The following RALGDS variants were observed in gnomAD, a reference collection of about 807,000 sequenced individuals.
RALGDS encodes ral guanine nucleotide dissociation stimulator.
A neutral mutation model predicts 99.8 loss-of-function variants in RALGDS; 44 were observed. The observed-to-expected ratio is 0.44, with a 90% CI of 0.35 to 0.57. The LOEUF (loss-of-function observed/expected upper bound fraction) is 0.57, where lower values mean the gene tolerates loss of function less well. Among genes scored for constraint, RALGDS ranks in the 20% least tolerant of loss-of-function variants. The pLI, the probability that RALGDS is intolerant of heterozygous loss-of-function variation, is 0.01. For synonymous variants in RALGDS, 529 were observed against 505.0 expected (o/e 1.05, Z -0.64); for missense variants, 1,022 against 1,203.1 (o/e 0.85, Z 2.23).
rs147231050 is a variant in RALGDS at position 133,110,249 on chromosome 9, G to A, written c.488+47C>T. On this transcript the variant is annotated intron_variant, in intron 3 of 17. Transcript: ENST00000372050. The stretch of plus-strand genomic sequence containing the variant: ...AAGACCCGCAGCCAGGTGGGGGTGG[G>A]GGCGAGGGCCCCTGTGCACCCTGTG... 1.3e-3 allele frequency: 1,973 copies of A among 1,565,630 alleles called. 20 individuals are homozygous for A. The African/African-American group carries it at 0.023, about 19-fold the overall frequency.
chr9:133,129,804 T>TTTC (rs1181459671), intron 1 of RALGDS, among the ~76,000 whole-genome samples: 1 of 138,830 alleles, frequency 7.2e-6, no homozygotes, highest in African/African-American at 2.6e-5. Flanking sequence ...CGAGATTTCC[T>TTTC]TTCTTCTTTT....
intron 1 of RALGDS, among the ~76,000 whole-genome samples, chr9:133,126,286 CG>C (rs1400654423): frequency 6.6e-6 from 1 of 152,006 alleles, no homozygotes; most frequent in Non-Finnish European, 1.5e-5. Flanking sequence ...CTGGAGAGCA[CG>C]GCTGCACAGA....
chr9:133,132,696 G>A (rs1357515394), upstream of RALGDS, among the ~76,000 whole-genome samples: 1 of 151,954 alleles, frequency 6.6e-6, no homozygotes, highest in Non-Finnish European at 1.5e-5. Context: ...CTGGAGTGCA[G>A]TGGCGCCATC....
rs767020930 is a variant in RALGDS at position 133,102,925 on chromosome 9, C to G, written c.1792-25G>C. 2.2e-5 allele frequency: 36 copies of G among 1,611,908 alleles called. No individual in the cohort carries two copies. In the East Asian group the frequency reaches 7.8e-4, roughly 35 times the overall value. ...CCTGGGGCCAGAGGGAAGCACAGGG[C>G]GGTGACAAGGCCCCCCGGGCAGCAC... is the stretch of plus-strand genomic sequence containing the variant. On this transcript the variant is annotated intron_variant, in intron 12 of 17. Transcript: ENST00000372050.
At chr9:133,115,344 G>A (rs1208206782) in intron 1 of RALGDS, among the ~76,000 whole-genome samples, 1 of 152,204 alleles carries the variant, frequency 6.6e-6, no homozygotes, top group Non-Finnish European at 1.5e-5. Flanking sequence ...GCTCTAGCCT[G>A]CACCTCGGCC....
At position 133,104,272 on chromosome 9, in the gene RALGDS, C is replaced by T. The variant is rs151011537; in HGVS notation, c.1662G>A (p.Pro554=). ...EMNPKRAQKR[P]KETGIIQGTV... ...CCTTGGGCACTCTCACCGTCTCCTT[C>T]GGCCGTTTCTGGGCTCTCTTGGGGT... Residue 554 remains proline (P), a synonymous_variant, in exon 10 of 18, where the codon CCG becomes CCA. Transcript: ENST00000372050. The T allele has an allele frequency of 9.7e-5, 157 of 1,613,730 alleles. No individual in the cohort carries two copies. The highest frequency in any genetic ancestry group is 9.3e-4 in the African/African-American group (70 of 75,036).
At chr9:133,129,079 C>T (rs1184291957) in intron 1 of RALGDS, 1 of 1,490,334 alleles carries the variant, frequency 6.7e-7, no homozygotes. Flanking sequence ...ATGCCTGGGG[C>T]TCGGCGGTGA....
chr9:133,129,038 G>A (rs747252658), intron 1 of RALGDS: 5 of 1,356,622 alleles, frequency 3.7e-6, no homozygotes, highest in Non-Finnish European at 2.9e-6. Context: ...TTCTGGCAGG[G>A]AAGAAAGGGA....
intron 1 of RALGDS, among the ~76,000 whole-genome samples, chr9:133,119,870 C>T (rs563407184): frequency 6.6e-6 from 1 of 152,312 alleles, no homozygotes; most frequent in Non-Finnish European, 1.5e-5. Flanking sequence ...CAGGCCCTGT[C>T]TAGGTACCGG....
In RALGDS at chr9:133,101,547, G is replaced by C; in HGVS notation, c.2427C>G (p.Asp809Glu). Residue 809 changes from aspartate to glutamate, a missense_variant, in exon 16 of 18, where the codon GAC becomes GAG. Physicochemically the swap from Asp to Glu is conservative, Grantham distance 45. Transcript: ENST00000372050. ...CCIIRVSLDVDNGNMYKSILV... is the reference protein window; with the variant it reads ...CCIIRVSLDVENGNMYKSILV... ...GGATGCTCTTGTACATGTTGCCATT[G>C]TCCACGTCCAGGCTGACGCGGATGA... 1.2e-6 allele frequency: 2 copies of C among 1,612,288 alleles called. No homozygotes were observed. The highest frequency in any genetic ancestry group is 1.7e-6 in the Non-Finnish European group (2 of 1,180,016).
In RALGDS at chr9:133,145,488, G is replaced by A. The variant is rs1421856073; in HGVS notation, c.18+3475C>T. Among the ~76,000 whole-genome samples the A allele has an allele frequency of 3.4e-5, 5 of 148,606 alleles. No homozygotes were observed. The South Asian group carries it at 8.3e-4, about 25-fold the overall frequency. On this transcript the variant is annotated intron_variant, in intron 1 of 17. Coordinates refer to the RALGDS transcript ENST00000393160. ...TTCAGATGTTCGTAAAAATCTGTATGTTCGTCATATTCAGATGTTCGTAAA... is the reference window on the plus strand; with the variant it reads ...TTCAGATGTTCGTAAAAATCTGTATATTCGTCATATTCAGATGTTCGTAAA...
chr9:133,139,547 C>T (rs914220451), intron 1 of RALGDS, among the ~76,000 whole-genome samples: 2 of 152,196 alleles, frequency 1.3e-5, no homozygotes, highest in Admixed American at 6.5e-5. Context: ...CCAGTCCTGT[C>T]AACTGGGCAG....
At chr9:133,100,690 T>A (rs1830714549) in intron 16 of RALGDS, 9 of 1,259,694 alleles carry the variant, frequency 7.1e-6, no homozygotes, top group Admixed American at 6.8e-5. Context: ...CACTTGCCCC[T>A]CCAGGATAAC....
chr9:133,136,637 G>A (rs1407670928), intron 1 of RALGDS, among the ~76,000 whole-genome samples: 3 of 152,224 alleles, frequency 2.0e-5, no homozygotes, highest in Non-Finnish European at 1.5e-5. Context: ...AGCCAGGCGT[G>A]GTGGCGGCGC....
intron 1 of RALGDS, among the ~76,000 whole-genome samples, chr9:133,127,011 C>A (rs976024351): frequency 6.6e-6 from 1 of 152,202 alleles, no homozygotes; most frequent in Admixed American, 6.5e-5. Flanking sequence ...TTGGTGTGGC[C>A]CCAGCTCCCC....
At chr9:133,133,933 C>T (rs1293024666), upstream of RALGDS, among the ~76,000 whole-genome samples, 1 of 152,194 alleles carries the variant, frequency 6.6e-6, no homozygotes, top group Non-Finnish European at 1.5e-5. Flanking sequence ...GCAGTGACTC[C>T]TCGCGAAGCT....
intron 1 of RALGDS, among the ~76,000 whole-genome samples, chr9:133,118,072 G>A (rs1221941990): frequency 6.6e-6 from 1 of 152,210 alleles, no homozygotes; most frequent in Non-Finnish European, 1.5e-5. Flanking sequence ...CAAAGACCCA[G>A]GACCAGCCAG....
intron 2 of RALGDS, among the ~76,000 whole-genome samples, chr9:133,111,294 C>CTGTTT (rs367926866): frequency 1.3e-5 from 2 of 152,118 alleles, no homozygotes; most frequent in African/African-American, 2.4e-5. Flanking sequence ...CCCCGTGGCA[C>CTGTTT]TGTTTTGTTT....
chr9:133,124,552 C>T (rs531370524), upstream of RALGDS, among the ~76,000 whole-genome samples: 44 of 152,178 alleles, frequency 2.9e-4, no homozygotes, highest in African/African-American at 1.0e-3. Context: ...TAGACACAGA[C>T]ACACACACAC....
Sources: allele counts gnomAD v4.1 joint callset (sites outside exome capture counted in the v4.1 genomes callset), GRCh38; gene constraint gnomAD v4.1.1; transcripts MANE v1.5; gene names NCBI Gene and HGNC (gene_info 2026-07-23, HGNC 2026-07-21).